Variants in NOX4 observed in about 807,000 individuals in gnomAD.
NOX4 encodes NADPH oxidase 4.
NOX4 carries 69 observed loss-of-function variants against 87.6 expected under a neutral mutation model. The observed-to-expected ratio is 0.79, with a 90% confidence interval of 0.65 to 0.96. The LOEUF is 0.96. NOX4 is among the 40% of genes least tolerant of loss of function. The probability of loss-of-function intolerance (pLI) is 0.00; values close to 1 mark genes in which losing one functional copy is unlikely to be tolerated. For synonymous variants in NOX4, 275 were observed against 238.2 expected (o/e 1.15, Z -1.42); for missense variants, 680 against 681.5 (o/e 1.00, Z 0.02).
chr11:89,367,200 C>T (rs1241577961), intron 12 of NOX4, among the ~76,000 whole-genome samples: 6 of 152,042 alleles, frequency 3.9e-5, no homozygotes, highest in Admixed American at 3.9e-4. Flanking sequence ...CTTTAAGATA[C>T]AATAGGTTAA....
In NOX4 at chr11:89,451,811, A is replaced by C. The variant is rs758431938; in HGVS notation, c.238T>G (p.Leu80Val). 6.2e-7 allele frequency: 1 copy of C among 1,613,166 alleles called. No individual in the cohort carries two copies. Among genetic ancestry groups the C allele is most frequent in the Non-Finnish European group, 8.5e-7 (1 of 1,179,268 alleles). ...LILLPMCRTL[L>V]AYLRGSQKVP... ...TTCTGTGATCCTCGGAGGTAAGCCA[A>C]GAGTGTTCGGCACATGGGTAAAAGG... is the stretch of plus-strand genomic sequence containing the variant. The change falls in exon 3 of 18, where the codon TTG becomes GTG. Residue 80 changes from leucine to valine, a missense_variant. Coordinates refer to ENST00000263317, the MANE Select transcript of NOX4 (RefSeq NM_016931.5).
chr11:89,373,105 A>C (rs988588384), intron 12 of NOX4, among the ~76,000 whole-genome samples: 14 of 151,738 alleles, frequency 9.2e-5, no homozygotes, highest in Non-Finnish European at 1.9e-4. Flanking sequence ...ATGTTTTCTA[A>C]GAAACACATT....
upstream of NOX4, among the ~76,000 whole-genome samples, chr11:89,501,368 G>A (rs929697535): frequency 3.3e-5 from 5 of 151,964 alleles, no homozygotes; most frequent in Non-Finnish European, 7.4e-5. Context: ...TCAGCTCAGA[G>A]GTAAAGAGCG....
At chr11:89,422,842 T>A (rs564443250) in intron 7 of NOX4, among the ~76,000 whole-genome samples, 2 of 144,466 alleles carry the variant, frequency 1.4e-5, no homozygotes, top group South Asian at 2.2e-4. Flanking sequence ...CTCTGTCGCC[T>A]AGGCTGGAGT....
the NOX4 span, among the ~76,000 whole-genome samples, chr11:89,549,253 G>A: frequency 3.0e-4 from 45 of 152,134 alleles, no homozygotes; most frequent in African/African-American, 8.2e-4. Context: ...CTAAATTCAC[G>A]TTTAATTTTC....
intron 8 of NOX4, among the ~76,000 whole-genome samples, chr11:89,418,932 C>A (rs780113071): frequency 1.3e-5 from 2 of 152,016 alleles, no homozygotes; most frequent in Non-Finnish European, 2.9e-5. Flanking sequence ...AAAAACCAGT[C>A]AACAATGTCT....
chr11:89,566,702 T>C, the NOX4 span, among the ~76,000 whole-genome samples: 1 of 152,112 alleles, frequency 6.6e-6, no homozygotes, highest in African/African-American at 2.4e-5. Flanking sequence ...AGGAGATCTT[T>C]AGAAGGAAAT....
intron 15 of NOX4, among the ~76,000 whole-genome samples, chr11:89,338,599 T>C (rs1319211458): frequency 6.6e-6 from 1 of 152,114 alleles, no homozygotes; most frequent in East Asian, 1.9e-4. Flanking sequence ...GCACAGACAC[T>C]ACCTCTCTAA....
chr11:89,522,632 G>C, the NOX4 span, among the ~76,000 whole-genome samples: 1 of 152,016 alleles, frequency 6.6e-6, no homozygotes. Flanking sequence ...TATATCCCCT[G>C]AATCCAAAAT....
intron 13 of NOX4, among the ~76,000 whole-genome samples, chr11:89,354,298 T>C (rs1937818708): frequency 6.6e-6 from 1 of 152,156 alleles, no homozygotes; most frequent in Admixed American, 6.6e-5. Flanking sequence ...ACAGGAATGA[T>C]CAAGATTCAG....
chr11:89,512,443 G>C, the NOX4 span, among the ~76,000 whole-genome samples: 1 of 151,868 alleles, frequency 6.6e-6, no homozygotes, highest in East Asian at 1.9e-4. Context: ...CCTCACTCTA[G>C]ACCCTGATAA....
At chr11:89,483,162 AT>A (rs1946461442) in intron 2 of NOX4, among the ~76,000 whole-genome samples, 1 of 152,132 alleles carries the variant, frequency 6.6e-6, no homozygotes, top group South Asian at 2.1e-4. Context: ...ATTAAATGAG[AT>A]TATAAAAGGG....
At chr11:89,437,020 A>G (rs1591245560) in intron 6 of NOX4, among the ~76,000 whole-genome samples, 1 of 152,126 alleles carries the variant, frequency 6.6e-6, no homozygotes, top group Non-Finnish European at 1.5e-5. Context: ...AGAAGACTCT[A>G]TGTAATATTA....
chr11:89,449,897 C>A (rs1944880023), intron 3 of NOX4, among the ~76,000 whole-genome samples: 1 of 152,092 alleles, frequency 6.6e-6, no homozygotes, highest in South Asian at 2.1e-4. Context: ...TTAGGGTAAA[C>A]TTTCTCTGAT....
chr11:89,531,547 A>T, the NOX4 span, among the ~76,000 whole-genome samples: 2 of 152,082 alleles, frequency 1.3e-5, no homozygotes, highest in African/African-American at 2.4e-5. Context: ...GTAATTCCCA[A>T]ATGTCAAGGG....
chr11:89,565,314 G>T, the NOX4 span, among the ~76,000 whole-genome samples: 8 of 151,936 alleles, frequency 5.3e-5, no homozygotes, highest in East Asian at 1.5e-3. Context: ...GTTTACCACT[G>T]GTTTATACAT....
At chr11:89,356,822 C>T (rs1475071946) in intron 12 of NOX4, among the ~76,000 whole-genome samples, 1 of 151,932 alleles carries the variant, frequency 6.6e-6, no homozygotes, top group African/African-American at 2.4e-5. Context: ...AGAAATATTT[C>T]CAACATCTAT....
At chr11:89,483,123 T>G (rs1255040722) in intron 2 of NOX4, among the ~76,000 whole-genome samples, 1 of 152,132 alleles carries the variant, frequency 6.6e-6, no homozygotes, top group Non-Finnish European at 1.5e-5. Context: ...TATTCTACTG[T>G]TGTTACAAGG....
chr11:89,367,580 T>G (rs1357809047), intron 12 of NOX4, among the ~76,000 whole-genome samples: 1 of 152,062 alleles, frequency 6.6e-6, no homozygotes, highest in Non-Finnish European at 1.5e-5. Context: ...GATCACTCCT[T>G]TCTCAAAACT....
Sources: gnomAD v4.1 joint callset for allele counts (sites outside exome capture counted in the v4.1 genomes callset) on GRCh38, gnomAD v4.1.1 for gene constraint, MANE v1.5 for transcripts, NCBI Gene and HGNC (gene_info 2026-07-23, HGNC 2026-07-21) for gene names.